The following PPP6R1 variants were observed in gnomAD, a reference collection of about 807,000 sequenced individuals.
The protein encoded by PPP6R1 is serine/threonine-protein phosphatase 6 regulatory subunit 1.
In PPP6R1, 39 loss-of-function variants were observed where a neutral mutation model predicts 104.6. The observed-to-expected ratio is 0.37, with a 90% CI of 0.29 to 0.49. The LOEUF (loss-of-function observed/expected upper bound fraction) is 0.49. Ranked by LOEUF, PPP6R1 falls within the 20% of genes least tolerant of loss-of-function variation. PPP6R1 has a pLI of 0.98. For synonymous variants in PPP6R1, 549 were observed against 479.0 expected (o/e 1.15, Z -1.91); for missense variants, 1,181 against 1,155.8 (o/e 1.02, Z -0.32).
rs2087617490 is a variant in PPP6R1 at position 55,258,884 on chromosome 19, A to G, written c.-456T>C. 1 of 152,186 alleles carries G rather than the reference A, an allele frequency of 6.6e-6. No individual in the cohort carries two copies. The highest frequency in any genetic ancestry group is 6.5e-5 in the Admixed American group (1 of 15,288). The allele number at this position is 152,186 out of a possible 1,614,324, so 9.4% of individuals were successfully genotyped here. The stretch of plus-strand genomic sequence containing the variant: ...CCTCCGCGGTCCAAACGGGCCGCAG[A>G]GCCGAGCAGCGACCGACGGAAGCCG... On this transcript the variant is annotated 5_prime_UTR_variant, in exon 1 of 24. Transcript: ENST00000412770.
rs748554427 is a variant in PPP6R1 at position 55,241,325 on chromosome 19, C to T, written c.1075G>A (p.Val359Ile). Residue 359 changes from valine (V) to isoleucine (I), a missense_variant, in exon 9 of 24, where the codon GTC (valine) becomes ATC (isoleucine). Physicochemically the swap from Val to Ile is conservative, Grantham distance 29. Coordinates refer to ENST00000412770, the MANE Select transcript of PPP6R1 (RefSeq NM_014931.4). The surrounding 1 kb of genome is among the most constrained non-coding windows in gnomAD (Gnocchi z 5.4). ...CTCAGGGCACTGGCCAGGAGCTTGA[C>T]CACGTGCAGCCGCGTGTTGCCCAGA... is the stretch of plus-strand genomic sequence containing the variant. ...PPLGNTRLHVVKLLASALSAN... is the reference protein window; with the variant it reads ...PPLGNTRLHVIKLLASALSAN... 9 of 1,611,818 alleles carry T rather than the reference C, an allele frequency of 5.6e-6. No homozygotes were observed. Among genetic ancestry groups the T allele is most frequent in the Non-Finnish European group, 6.8e-6 (8 of 1,179,740 alleles).
rs368223206 is a variant in PPP6R1, at chr19:55,241,687, C to T, written c.846-48G>A. 13 of 1,499,778 alleles carry T rather than the reference C, an allele frequency of 8.7e-6. No individual in the cohort carries two copies. Among genetic ancestry groups the T allele is most frequent in the Admixed American group, 4.6e-5 (2 of 43,546 alleles). 92.9% of individuals were successfully genotyped at this position (1,499,778 alleles called of 1,614,324 possible). A position where few individuals can be genotyped will look rare whatever the true frequency, so the allele number is the denominator to read the frequency against. ...GCGGAGTGAGCCTAGATGGCCTGTG[C>T]GCCCACACAGGAGTAGGCACAAGGA... On this transcript the variant is annotated intron_variant, in intron 7 of 23. Transcript: ENST00000412770. This position sits in a 1 kb window ranked among gnomAD's most constrained non-coding sequence, Gnocchi z 5.4.
chr19:55,242,237 C>T lies in PPP6R1; in HGVS notation c.774G>A (p.Gly258=). ...TGACGATGACAGACTGGCTCTGCTCCCCCTCGAACATGTTGCTTAAGAGCT... is the reference window on the plus strand; with the variant it reads ...TGACGATGACAGACTGGCTCTGCTCTCCCTCGAACATGTTGCTTAAGAGCT... ...IEQLLSNMFE[G]EQSQSVIVSG... is the part of the protein sequence containing the mutation. Residue 258 remains glycine (G), a synonymous_variant, in exon 7 of 24, where the codon GGG becomes GGA. Transcript: ENST00000412770. 6.2e-7 allele frequency: 1 copy of T among 1,613,976 alleles called. No individual in the cohort carries two copies. Among genetic ancestry groups the T allele is most frequent in the South Asian group, 1.1e-5 (1 of 91,088 alleles).
At chr19:55,228,526 C>T (rs1478139875), downstream of PPP6R1, 1 of 1,562,614 alleles carries the variant, frequency 6.4e-7, no homozygotes, top group African/African-American at 1.4e-5. Context: ...CCACCCCCAC[C>T]TGGGACCCCA....
Position 55,232,060 on chromosome 19 carries a change from C to T in PPP6R1, c.2125+15G>A, listed in dbSNP as rs370258839. On this transcript the variant is annotated intron_variant, in intron 18 of 23. Coordinates refer to ENST00000412770, the MANE Select transcript of PPP6R1 (RefSeq NM_014931.4). ...CAGCCCTGTGTACACCTGACCACAC[C>T]GCCCATTCATTCACCTGGAGGCTGA... 1.9e-5 allele frequency: 31 copies of T among 1,612,038 alleles called. No homozygotes were observed. The highest frequency in any genetic ancestry group is 6.6e-5 in the South Asian group (6 of 90,564).
At chr19:55,236,867 CCA>C in intron 16 of PPP6R1, 44 bp downstream of exon 16, 1 of 1,611,636 alleles carries the variant, frequency 6.2e-7, no homozygotes, top group Non-Finnish European at 8.5e-7. Context: ...GCCCACAGCC[CCA>C]CACCCCTCCA....
intron 2 of PPP6R1, among the ~76,000 whole-genome samples, chr19:55,246,193 G>A (rs2087506725): frequency 6.6e-6 from 1 of 152,206 alleles, no homozygotes; most frequent in Non-Finnish European, 1.5e-5. Flanking sequence ...CCCCTTGGGA[G>A]GCTGAGGCAG....
intron 1 of PPP6R1, among the ~76,000 whole-genome samples, chr19:55,253,808 C>T (rs2087572041): frequency 6.6e-6 from 1 of 152,244 alleles, no homozygotes; most frequent in Non-Finnish European, 1.5e-5. Flanking sequence ...CTGCTAGAAT[C>T]CCTGCGAATG....
intron 5 of PPP6R1, among the ~76,000 whole-genome samples, chr19:55,244,279 G>T (rs963382955): frequency 1.3e-5 from 2 of 152,196 alleles, no homozygotes. Context: ...TGCTCCCAGT[G>T]GCCTCGGATA....
chr19:55,252,830 G>A (rs570064445), intron 1 of PPP6R1, among the ~76,000 whole-genome samples: 6 of 152,240 alleles, frequency 3.9e-5, no homozygotes, highest in South Asian at 2.1e-4. Flanking sequence ...GAGCCACTGC[G>A]CCTGGCTGTA....
chr19:55,241,418 C>T lies in PPP6R1; in HGVS notation c.1009-27G>A, dbSNP rs1200956084. 7 of 1,598,840 alleles carry T rather than the reference C, an allele frequency of 4.4e-6. No homozygotes were observed. The highest frequency in any genetic ancestry group is 1.3e-5 in the African/African-American group (1 of 74,680). On this transcript the variant is annotated intron_variant, in intron 8 of 23. Coordinates refer to ENST00000412770, the MANE Select transcript of PPP6R1 (RefSeq NM_014931.4). This position sits in a 1 kb window ranked among gnomAD's most constrained non-coding sequence, Gnocchi z 5.4. ...TGCAGACACAGGGAGGCCTGATTCC[C>T]AAGGGCTGCCCTTCCTGCTTCCCCC...
At position 55,239,388 on chromosome 19, in the gene PPP6R1, G is replaced by A. The variant is rs762732847; in HGVS notation, c.1751+17C>T. On this transcript the variant is annotated intron_variant, in intron 15 of 23. Coordinates refer to ENST00000412770, the MANE Select transcript of PPP6R1 (RefSeq NM_014931.4). ...AGAGGCAGGACAGGGCTGTGACCCT[G>A]CGCAGGAGACACTCACTTCACACTC... 10 of 1,604,828 alleles carry A rather than the reference G, an allele frequency of 6.2e-6. No individual in the cohort carries two copies. The highest frequency in any genetic ancestry group is 8.5e-6 in the Non-Finnish European group (10 of 1,172,390).
chr19:55,258,155 G>C (rs980327109), intron 1 of PPP6R1, among the ~76,000 whole-genome samples: 1 of 152,222 alleles, frequency 6.6e-6, no homozygotes, highest in Non-Finnish European at 1.5e-5. Flanking sequence ...TCAGGGACTG[G>C]GGAGCGCAGC....
At chr19:55,237,475 T>C (rs1858910621) in intron 15 of PPP6R1, among the ~76,000 whole-genome samples, 1 of 152,166 alleles carries the variant, frequency 6.6e-6, no homozygotes, top group South Asian at 2.1e-4. Context: ...CGTCAAAACT[T>C]AAACTGTGCC....
rs1387364131 is a variant in PPP6R1, at chr19:55,231,076, C to T, written c.2460-192G>A. On this transcript the variant is annotated intron_variant, in intron 21 of 23. Coordinates refer to ENST00000412770, the MANE Select transcript of PPP6R1 (RefSeq NM_014931.4). ...CAGCCCTGGACAGGAAGACAAGCAC[C>T]CCTCTTCCCGCCTCCTGTCCCTGTG... The T allele has an allele frequency of 1.4e-5, 9 of 621,414 alleles. No homozygotes were observed. In the Admixed American group the frequency reaches 2.6e-4, roughly 18 times the overall value. The allele number at this position is 621,414 out of a possible 1,614,324, so 38.5% of individuals were successfully genotyped here.
chr19:55,243,555 T>C (rs1280967656), intron 5 of PPP6R1, among the ~76,000 whole-genome samples: 1 of 151,970 alleles, frequency 6.6e-6, no homozygotes, highest in Non-Finnish European at 1.5e-5. Context: ...GTTCCAGCTG[T>C]TCATGAGGCA....
At chr19:55,253,117 C>T (rs1468886493) in intron 1 of PPP6R1, among the ~76,000 whole-genome samples, 3 of 152,320 alleles carry the variant, frequency 2.0e-5, no homozygotes, top group East Asian at 1.9e-4. Flanking sequence ...ACAGTGGGGA[C>T]GGGATAGGAG....
At chr19:55,244,285 G>A (rs573015855) in intron 5 of PPP6R1, among the ~76,000 whole-genome samples, 5 of 152,276 alleles carry the variant, frequency 3.3e-5, no homozygotes, top group East Asian at 3.9e-4. Context: ...CAGTGGCCTC[G>A]GATATCTGAG....
intron 17 of PPP6R1, 158 bp downstream of exon 17, chr19:55,236,485 A>C: frequency 1.3e-6 from 1 of 797,128 alleles, no homozygotes; most frequent in Non-Finnish European, 1.9e-6. Flanking sequence ...TTAGATTTCT[A>C]TCACTCAAAA....
Sources: gnomAD v4.1 joint callset for allele counts (sites outside exome capture counted in the v4.1 genomes callset) on GRCh38, gnomAD v4.1.1 for gene constraint, Gnocchi (gnomAD v3.1) non-coding constraint, MANE v1.5 for transcripts, NCBI Gene and HGNC (gene_info 2026-07-23, HGNC 2026-07-21) for gene names.